Variants in TMEM132E observed in about 807,000 individuals in gnomAD.
TMEM132E encodes transmembrane protein 132E.
In TMEM132E, 49 loss-of-function variants were observed where a neutral mutation model predicts 78.5. The observed-to-expected ratio is 0.62, with a 90% CI of 0.50 to 0.79. TMEM132E has a LOEUF of 0.79. Among genes scored for constraint, TMEM132E ranks in the 30% least tolerant of loss-of-function variants. TMEM132E has a pLI of 0.00. For synonymous variants in TMEM132E, 715 were observed against 670.6 expected, an observed-to-expected ratio of 1.07 and a Z score of -1.02; for missense variants, 1,403 against 1,470.9, an observed-to-expected ratio of 0.95 and a Z score of 0.75.
In TMEM132E at chr17:34,608,590, G is replaced by A. The variant is rs562235698; in HGVS notation, c.68-17537G>A. Among the ~76,000 whole-genome samples the A allele has an allele frequency of 2.6e-5, 4 of 152,316 alleles. No homozygotes were observed. The East Asian group carries it at 7.7e-4, about 29-fold the overall frequency. Reference sequence around the variant, plus strand: ...TGAAACTAAAACCTTGTCCTTCCAAGTGGGACTGTACACTTACCCCACGTT... The same window carrying A: ...TGAAACTAAAACCTTGTCCTTCCAAATGGGACTGTACACTTACCCCACGTT... On this transcript the variant is annotated intron_variant, in intron 1 of 8. Transcript: ENST00000631683.
At chr17:34,609,290 T>C (rs1161602579) in intron 1 of TMEM132E, among the ~76,000 whole-genome samples, 1 of 151,844 alleles carries the variant, frequency 6.6e-6, no homozygotes, top group Non-Finnish European at 1.5e-5. Context: ...GGGTGTGGAA[T>C]GTGAGAAAAA....
intron 2 of TMEM132E, among the ~76,000 whole-genome samples, chr17:34,627,595 A>G (rs1479735885): frequency 2.6e-5 from 4 of 152,036 alleles, no homozygotes; most frequent in Non-Finnish European, 4.4e-5. Context: ...AAAAGGACAC[A>G]GTTTGCAAAC....
chr17:34,623,475 C>G (rs1014594344), intron 1 of TMEM132E, among the ~76,000 whole-genome samples: 1 of 152,086 alleles, frequency 6.6e-6, no homozygotes, highest in Non-Finnish European at 1.5e-5. Context: ...CTGCCCTTCT[C>G]CCAGCCCAGA....
In TMEM132E at chr17:34,638,564, G is replaced by T; in HGVS notation, c.*332G>T. The T allele has an allele frequency of 3.9e-6, 1 of 257,436 alleles. No homozygotes were observed. The allele number at this position is 257,436 out of a possible 1,614,324, so 15.9% of individuals were successfully genotyped here. On this transcript the variant is annotated 3_prime_UTR_variant, in exon 9 of 9. Coordinates refer to ENST00000631683, the MANE Select transcript of TMEM132E (RefSeq NM_001304438.2). ...CCCAAGAGTGAGGCAAGGAGGTCCAGCTTGGGGTCAGGTGGGCCCACGCTG... is the reference window on the plus strand; with the variant it reads ...CCCAAGAGTGAGGCAAGGAGGTCCATCTTGGGGTCAGGTGGGCCCACGCTG...
At chr17:34,597,113 G>T (rs1196864114) in intron 1 of TMEM132E, among the ~76,000 whole-genome samples, 1 of 152,138 alleles carries the variant, frequency 6.6e-6, no homozygotes, top group African/African-American at 2.4e-5. Flanking sequence ...AGCTCCTCAG[G>T]ACAGCAGTAT....
Position 34,593,090 on chromosome 17 carries a change from A to G in TMEM132E, c.67+11947A>G, listed in dbSNP as rs556896354. ...ATTTTAATAGTATGTTTTAACCAAT[A>G]TGCCCAAACAATTGTCATTTCAACA... On this transcript the variant is annotated intron_variant, in intron 1 of 8. Transcript: ENST00000631683. 4.0e-5 allele frequency among the ~76,000 whole-genome samples: 6 copies of G among 151,268 alleles called. No individual in the cohort carries two copies. The South Asian group carries it at 8.3e-4, about 21-fold the overall frequency.
In TMEM132E at chr17:34,634,844, G is replaced by C; in HGVS notation, c.1734G>C (p.Arg578=). The change falls in exon 7 of 9, where the codon CGG becomes CGC. Residue 578 remains arginine, a synonymous_variant. Coordinates refer to ENST00000631683, the MANE Select transcript of TMEM132E (RefSeq NM_001304438.2). Reference sequence around the variant, plus strand: ...ATGAGGATGAGGAGGAGGAGGAGCGGCGGCAGAGTGCAAGCCGTGGCTGCA... The same window carrying C: ...ATGAGGATGAGGAGGAGGAGGAGCGCCGGCAGAGTGCAAGCCGTGGCTGCA... The part of the protein sequence containing the change: ...SEDEDEEEEE[R]RQSASRGCTL... The C allele has an allele frequency of 6.2e-7, 1 of 1,613,938 alleles. No homozygotes were observed. The highest frequency in any genetic ancestry group is 8.5e-7 in the Non-Finnish European group (1 of 1,179,992).
In TMEM132E at chr17:34,580,845, A is replaced by C; in HGVS notation, c.-232A>C. 2.2e-6 allele frequency: 1 copy of C among 452,612 alleles called. No homozygotes were observed. The highest frequency in any genetic ancestry group is 3.9e-6 in the Non-Finnish European group (1 of 255,416). 28.0% of individuals were successfully genotyped at this position (452,612 alleles called of 1,614,324 possible). ...AGGGGGCACCAGCTGGGGGAGGTGG[A>C]GGCTCCTCCCGCCCGGAGCTGCGCC... On this transcript the variant is annotated 5_prime_UTR_variant, in exon 1 of 9. Coordinates refer to ENST00000631683, the MANE Select transcript of TMEM132E (RefSeq NM_001304438.2).
At chr17:34,635,744 G>A in intron 7 of TMEM132E, 1 of 366,750 alleles carries the variant, frequency 2.7e-6, no homozygotes, top group East Asian at 4.0e-5. Context: ...CACCATGCGG[G>A]GGTTGTTGTT....
At chr17:34,611,980 A>G (rs1463418371) in intron 1 of TMEM132E, among the ~76,000 whole-genome samples, 1 of 152,136 alleles carries the variant, frequency 6.6e-6, no homozygotes, top group Non-Finnish European at 1.5e-5. Context: ...CCGAGGGTCT[A>G]CTATTAAACC....
At chr17:34,585,290 T>C (rs1175697807) in intron 1 of TMEM132E, among the ~76,000 whole-genome samples, 1 of 152,144 alleles carries the variant, frequency 6.6e-6, no homozygotes, top group African/African-American at 2.4e-5. Flanking sequence ...GACTTGGGTG[T>C]CTCCTAGGCC....
chr17:34,613,211 A>ACACACACACACACACGCGCGCG, intron 1 of TMEM132E, among the ~76,000 whole-genome samples: 70 of 115,958 alleles, frequency 6.0e-4, no homozygotes, highest in Non-Finnish European at 9.1e-4. Flanking sequence ...ACACACACAC[A>ACACACACACACACACGCGCGCG]CGCGCGCGCG....
At chr17:34,604,671 C>G (rs1312762976) in intron 1 of TMEM132E, among the ~76,000 whole-genome samples, 3 of 152,216 alleles carry the variant, frequency 2.0e-5, no homozygotes, top group African/African-American at 7.2e-5. Flanking sequence ...CAGAAACCAA[C>G]TTTGACCTCT....
At chr17:34,627,453 G>A (rs916092804) in intron 2 of TMEM132E, among the ~76,000 whole-genome samples, 4 of 76,058 alleles carry the variant, frequency 5.3e-5, no homozygotes, top group East Asian at 7.3e-4. Context: ...CTCTTGGCTG[G>A]GAGCCAAAAG....
At chr17:34,604,169 A>G (rs1906333917) in intron 1 of TMEM132E, among the ~76,000 whole-genome samples, 1 of 152,202 alleles carries the variant, frequency 6.6e-6, no homozygotes, top group Non-Finnish European at 1.5e-5. Flanking sequence ...AACATGTCCA[A>G]GGTCACACAG....
In TMEM132E at chr17:34,626,793, G is replaced by A; in HGVS notation, c.734G>A (p.Cys245Tyr). The A allele has an allele frequency of 4.0e-6, 6 of 1,509,980 alleles. No individual in the cohort carries two copies. The highest frequency in any genetic ancestry group is 5.3e-6 in the Non-Finnish European group (6 of 1,130,542). The allele number at this position is 1,509,980 out of a possible 1,614,324, so 93.5% of individuals were successfully genotyped here. A position where few individuals can be genotyped will look rare whatever the true frequency, so the allele number is the denominator to read the frequency against. Residue 245 changes from cysteine to tyrosine, a missense_variant, in exon 2 of 9, where the codon TGC becomes TAC. Physicochemically the swap from Cys to Tyr is radical, Grantham distance 194 (BLOSUM62 -2). Transcript: ENST00000631683. ...CACGCCCCTGATGCGTCGGGGGGCT[G>A]CGGGGGCTCCCGCCGGGGGGCCGGG... Reference protein sequence around the residue: ...TLHAPDASGGCGGSRRGAGPG... With the variant: ...TLHAPDASGGYGGSRRGAGPG...
At position 34,634,784 on chromosome 17, in the gene TMEM132E, A is replaced by C. The variant is rs889563582; in HGVS notation, c.1689-15A>C. On this transcript the variant is annotated splice_polypyrimidine_tract_variant and intron_variant, in intron 6 of 8. Transcript: ENST00000631683. ...CCAGGTGAGAAGCCTTCAGCATGGC[A>C]TGTCCCCACCCCAGGTCAGTCCGGG... is the stretch of plus-strand genomic sequence containing the variant. 14 of 1,604,906 alleles carry C rather than the reference A, an allele frequency of 8.7e-6. No homozygotes were observed. Among genetic ancestry groups the C allele is most frequent in the Non-Finnish European group, 1.1e-5 (13 of 1,175,278 alleles).
rs1694052766 is a variant in TMEM132E, at chr17:34,638,279, C to T, written c.*47C>T. 8 of 1,482,026 alleles carry T rather than the reference C, an allele frequency of 5.4e-6. No homozygotes were observed. In the East Asian group the frequency reaches 2.0e-4, roughly 36 times the overall value. The allele number at this position is 1,482,026 out of a possible 1,614,324, so 91.8% of individuals were successfully genotyped here. A position where few individuals can be genotyped will look rare whatever the true frequency, so the allele number is the denominator to read the frequency against. On this transcript the variant is annotated 3_prime_UTR_variant, in exon 9 of 9. Transcript: ENST00000631683. ...GGACCCCCCCCCCCAACGGGGTCAG[C>T]TCGGGGTAGGACACAGCCGGGACCC...
intron 1 of TMEM132E, among the ~76,000 whole-genome samples, chr17:34,610,460 A>G (rs2142066336): frequency 6.6e-6 from 1 of 152,340 alleles, no homozygotes; most frequent in Admixed American, 6.5e-5. Flanking sequence ...GACAGTTGCA[A>G]TGCAGAGAAA....
Sources: allele counts gnomAD v4.1 joint callset (sites outside exome capture counted in the v4.1 genomes callset), GRCh38; gene constraint gnomAD v4.1.1; transcripts MANE v1.5; gene names NCBI Gene and HGNC (gene_info 2026-07-23, HGNC 2026-07-21).